GALNT7: variants seen among roughly 807,000 people sequenced by gnomAD.
GALNT7 encodes polypeptide N-acetylgalactosaminyltransferase 7, also known as N-acetylgalactosaminyltransferase 7.
A neutral mutation model predicts 82.1 loss-of-function variants in GALNT7; 60 were observed. That is an observed-to-expected ratio of 0.73 (90% CI 0.59 to 0.91). The LOEUF is 0.91. GALNT7 is among the 40% of genes least tolerant of loss of function. The pLI is 0.00. For synonymous variants in GALNT7, 243 were observed against 275.1 expected (o/e 0.88, Z 1.15); for missense variants, 660 against 804.2 (o/e 0.82, Z 2.17).
intron 2 of GALNT7, among the ~76,000 whole-genome samples, chr4:173,267,919 C>CT (rs1735562294): frequency 6.6e-6 from 1 of 152,082 alleles, no homozygotes. Context: ...TTCAGAAGCT[C>CT]TTTTTTCTGT....
intron 1 of GALNT7, among the ~76,000 whole-genome samples, chr4:173,244,637 G>A (rs568693971): frequency 6.6e-6 from 1 of 152,176 alleles, no homozygotes; most frequent in Non-Finnish European, 1.5e-5. Flanking sequence ...ATAAGTTAAT[G>A]TATGTGAAGC....
intron 2 of GALNT7, among the ~76,000 whole-genome samples, chr4:173,268,542 T>G (rs1351406598): frequency 1.6e-5 from 2 of 126,154 alleles, no homozygotes; most frequent in Admixed American, 8.2e-5. Flanking sequence ...TTTTTTTTTT[T>G]TTTTTTTTTT....
intron 1 of GALNT7, among the ~76,000 whole-genome samples, chr4:173,206,408 T>G (rs759269067): frequency 1.3e-5 from 2 of 152,208 alleles, no homozygotes; most frequent in African/African-American, 4.8e-5. Context: ...CAGATTGATA[T>G]TTCTCTTGGG....
At chr4:173,285,930 G>A (rs865908152) in intron 2 of GALNT7, among the ~76,000 whole-genome samples, 1 of 152,072 alleles carries the variant, frequency 6.6e-6, no homozygotes. Flanking sequence ...GGGAGTCCCA[G>A]GCCACCAGAA....
At chr4:173,269,979 C>T (rs934362216) in intron 2 of GALNT7, among the ~76,000 whole-genome samples, 4 of 152,114 alleles carry the variant, frequency 2.6e-5, no homozygotes. Context: ...TGGGAGAAGT[C>T]GTTTACAAAA....
chr4:173,170,122 C>A (rs1232940165), intron 1 of GALNT7, among the ~76,000 whole-genome samples: 1 of 152,172 alleles, frequency 6.6e-6, no homozygotes, highest in Non-Finnish European at 1.5e-5. Flanking sequence ...GCCCCCGACC[C>A]TGACCTGCTT....
At chr4:173,193,505 G>A (rs958628289) in intron 1 of GALNT7, among the ~76,000 whole-genome samples, 7 of 151,860 alleles carry the variant, frequency 4.6e-5, no homozygotes, top group Admixed American at 1.3e-4. Context: ...TTTTAAAGGC[G>A]TTACATTCAC....
Position 173,258,560 on chromosome 4 carries a change from C to T in GALNT7, c.587+10120C>T, listed in dbSNP as rs191494163. ...AGTCAGTGACAGTAAGGATCAGCAG[C>T]ATCACTGTCCCTGTGTTACACCTAT... On this transcript the variant is annotated intron_variant, in intron 2 of 11. Transcript: ENST00000265000. Among the ~76,000 whole-genome samples the T allele has an allele frequency of 7.2e-5, 11 of 152,346 alleles. No individual in the cohort carries two copies. In the East Asian group the frequency reaches 2.1e-3, roughly 29 times the overall value.
chr4:173,246,425 T>C (rs1299538104), intron 1 of GALNT7, among the ~76,000 whole-genome samples: 1 of 152,228 alleles, frequency 6.6e-6, no homozygotes, highest in African/African-American at 2.4e-5. Flanking sequence ...TGTTTATACA[T>C]GCATATCACA....
chr4:173,261,955 T>G (rs1245462627), intron 2 of GALNT7, among the ~76,000 whole-genome samples: 5 of 152,156 alleles, frequency 3.3e-5, no homozygotes, highest in Non-Finnish European at 1.5e-5. Context: ...GAATAATAAT[T>G]TCATTACATA....
Position 173,314,160 on chromosome 4 carries a change from A to G in GALNT7, c.1592A>G (p.Asn531Ser). The change falls in exon 9 of 12, where the codon AAT becomes AGT. Residue 531 changes from asparagine (N) to serine (S), a missense_variant. By Grantham distance (46) the Asn-to-Ser change is conservative. Around this residue, in one of 2 missense-constraint regions of GALNT7, gnomAD observed 527 missense variants for 683.5 expected, o/e 0.77. Transcript: ENST00000265000. ...TCACACTACCCTTTGCCACCCAAAA[A>G]TGTTGACTGGGGAGAAGTAAGTAGT... Reference protein sequence around the residue: ...ITSHYPLPPKNVDWGEIRGFE... With the variant: ...ITSHYPLPPKSVDWGEIRGFE... The G allele has an allele frequency of 6.2e-7, 1 of 1,607,308 alleles. No homozygotes were observed. The highest frequency in any genetic ancestry group is 8.5e-7 in the Non-Finnish European group (1 of 1,173,800).
In GALNT7 at chr4:173,234,590, A is replaced by T. The variant is rs552848525; in HGVS notation, c.127-13390A>T. On this transcript the variant is annotated intron_variant, in intron 1 of 11. Coordinates refer to ENST00000265000, the MANE Select transcript of GALNT7 (RefSeq NM_017423.3). ...ATCCATCATGATTGGATAGCAAAAG[A>T]AAACAGTTGCTCATTTTACTTCGTA... Among the ~76,000 whole-genome samples, 7 of 152,298 alleles carry T rather than the reference A, an allele frequency of 4.6e-5. No individual in the cohort carries two copies. In the East Asian group the frequency reaches 1.2e-3, roughly 25 times the overall value.
At chr4:173,265,367 T>A (rs907531935) in intron 2 of GALNT7, among the ~76,000 whole-genome samples, 1 of 152,178 alleles carries the variant, frequency 6.6e-6, no homozygotes, top group Non-Finnish European at 1.5e-5. Context: ...GTTGTCATGG[T>A]CTTTCCCCAT....
chr4:173,215,828 G>C (rs1733428878), intron 1 of GALNT7, among the ~76,000 whole-genome samples: 1 of 152,196 alleles, frequency 6.6e-6, no homozygotes, highest in African/African-American at 2.4e-5. Flanking sequence ...GGCTTTAAAA[G>C]GCCGGGTGCA....
intron 2 of GALNT7, among the ~76,000 whole-genome samples, chr4:173,249,491 A>G (rs1579954112): frequency 1.3e-5 from 2 of 152,232 alleles, no homozygotes; most frequent in African/African-American, 4.8e-5. Context: ...GAAGTGCAGC[A>G]GTGTGATGGT....
intron 1 of GALNT7, among the ~76,000 whole-genome samples, chr4:173,187,801 C>T (rs1561146517): frequency 6.6e-6 from 1 of 152,150 alleles, no homozygotes; most frequent in Non-Finnish European, 1.5e-5. Context: ...GTTTATTAGT[C>T]TTACTCCTAT....
chr4:173,228,811 T>G (rs17059226), intron 1 of GALNT7, among the ~76,000 whole-genome samples: 5,035 of 152,314 alleles, frequency 0.033, 273 homozygotes, highest in African/African-American at 0.11. Flanking sequence ...TTTATGCTTC[T>G]TGAGGTCATC....
At chr4:173,240,107 T>C (rs1439149005) in intron 1 of GALNT7, among the ~76,000 whole-genome samples, 7 of 152,196 alleles carry the variant, frequency 4.6e-5, no homozygotes, top group African/African-American at 1.7e-4. Flanking sequence ...CTCTTATCTC[T>C]GAAACACTTT....
intron 1 of GALNT7, among the ~76,000 whole-genome samples, chr4:173,185,964 TG>T (rs1732448871): frequency 6.6e-6 from 1 of 152,204 alleles, no homozygotes; most frequent in South Asian, 2.1e-4. Flanking sequence ...ACATTCAACT[TG>T]ATTATGGTAT....
Sources: allele counts gnomAD v4.1 joint callset (sites outside exome capture counted in the v4.1 genomes callset), GRCh38; gene constraint gnomAD v4.1.1; regional missense constraint gnomAD v4.1.1; transcripts MANE v1.5; gene names NCBI Gene and HGNC (gene_info 2026-07-23, HGNC 2026-07-21).